CALN1: variants seen among roughly 807,000 people sequenced by gnomAD.
CALN1 encodes the protein calneuron 1.
A neutral mutation model predicts 30.6 loss-of-function variants in CALN1; 17 were observed. That is an observed-to-expected ratio of 0.56 (90% CI 0.38 to 0.83). The LOEUF is 0.83. Ranked by LOEUF, CALN1 falls within the 40% of genes least tolerant of loss-of-function variation. CALN1 has a pLI of 0.00. For missense variants in CALN1, 291 were observed against 354.9 expected, an observed-to-expected ratio of 0.82 and a Z score of 1.45; for synonymous variants, 156 against 131.4, an observed-to-expected ratio of 1.19 and a Z score of -1.28.
chr7:72,488,479 T>C, the CALN1 span, among the ~76,000 whole-genome samples: 1 of 152,186 alleles, frequency 6.6e-6, no homozygotes, highest in Non-Finnish European at 1.5e-5. Context: ...TCTTTCAGAA[T>C]TCCAGCTAAT....
At chr7:72,023,399 G>T (rs1052538041) in intron 5 of CALN1, among the ~76,000 whole-genome samples, 2 of 152,016 alleles carry the variant, frequency 1.3e-5, no homozygotes, top group East Asian at 3.9e-4. Flanking sequence ...CCAGGAAAAA[G>T]ACTTTTGTGA....
chr7:71,863,305 CCCAGCA>C (rs1791400039), intron 5 of CALN1, among the ~76,000 whole-genome samples: 2 of 151,818 alleles, frequency 1.3e-5, no homozygotes, highest in Admixed American at 1.3e-4. Flanking sequence ...CATCTGTAAT[CCCAGCA>C]CTTTGGGAGG....
chr7:72,322,376 C>G (rs2138763), intron 2 of CALN1, among the ~76,000 whole-genome samples: 149,728 of 152,260 alleles, frequency 0.98, 73,665 homozygotes, highest in Middle Eastern at 1. Context: ...CCGCTCCCTT[C>G]CCCACCGCTC....
At chr7:71,825,199 A>G (rs754805876) in intron 5 of CALN1, among the ~76,000 whole-genome samples, 2 of 152,150 alleles carry the variant, frequency 1.3e-5, no homozygotes, top group Admixed American at 1.3e-4. Context: ...AGAGACGTCT[A>G]GAGTCTGACT....
chr7:71,937,209 C>T (rs1584552835), intron 5 of CALN1, among the ~76,000 whole-genome samples: 1 of 130,668 alleles, frequency 7.7e-6, no homozygotes, highest in Non-Finnish European at 1.6e-5. Flanking sequence ...TGGGAGGCTG[C>T]TTGAACAGGA....
chr7:72,391,797 G>A (rs954324531), intron 2 of CALN1, among the ~76,000 whole-genome samples: 6 of 152,060 alleles, frequency 3.9e-5, no homozygotes, highest in African/African-American at 1.4e-4. Context: ...CACACCCCCA[G>A]CCACATGGAA....
At chr7:71,920,107 G>T (rs575240590) in intron 5 of CALN1, among the ~76,000 whole-genome samples, 1 of 152,284 alleles carries the variant, frequency 6.6e-6, no homozygotes, top group African/African-American at 2.4e-5. Context: ...AAGGATTGCA[G>T]ACATGTTTAT....
At position 72,006,607 on chromosome 7, in the gene CALN1, T is replaced by C. The variant is rs114129982; in HGVS notation, c.501+17050A>G. ...TAAAGAAAAAGGATGAATGAGGTTA[T>C]ACCCAGTGAAAACAAATAAAGAGAA... On this transcript the variant is annotated intron_variant, in intron 5 of 6. Coordinates refer to ENST00000395275, the MANE Select transcript of CALN1 (RefSeq NM_031468.4). 2.1e-3 allele frequency among the ~76,000 whole-genome samples: 316 copies of C among 152,174 alleles called. 1 individual carries two copies. Among genetic ancestry groups the C allele is most frequent in the African/African-American group, 7.4e-3 (306 of 41,524 alleles).
intron 2 of CALN1, among the ~76,000 whole-genome samples, chr7:72,344,048 T>G (rs557385430): frequency 2.6e-5 from 4 of 152,148 alleles, no homozygotes; most frequent in Non-Finnish European, 5.9e-5. Context: ...TTTCATTTAT[T>G]TATGTATTTA....
chr7:72,379,049 T>TA (rs1804735402), intron 2 of CALN1, among the ~76,000 whole-genome samples: 1 of 152,260 alleles, frequency 6.6e-6, no homozygotes, highest in Non-Finnish European at 1.5e-5. Context: ...AACGTTCACT[T>TA]GGTTGTGTTG....
chr7:72,137,556 A>G (rs546119608), intron 3 of CALN1, among the ~76,000 whole-genome samples: 28 of 152,326 alleles, frequency 1.8e-4, no homozygotes, highest in African/African-American at 6.7e-4. Context: ...AACAAACAAA[A>G]CAAAACAAAA....
intron 2 of CALN1, among the ~76,000 whole-genome samples, chr7:72,382,680 G>GAGAAC: frequency 6.6e-6 from 1 of 152,192 alleles, no homozygotes; most frequent in East Asian, 1.9e-4. Context: ...TGTACCCAAT[G>GAGAAC]TTTAGCTCCC....
intron 3 of CALN1, among the ~76,000 whole-genome samples, chr7:72,220,814 T>C (rs1477978306): frequency 6.6e-6 from 1 of 152,250 alleles, no homozygotes; most frequent in African/African-American, 2.4e-5. Context: ...CATTTTTTCA[T>C]GTGTTTTTTG....
chr7:72,488,188 A>G, the CALN1 span, among the ~76,000 whole-genome samples: 1 of 151,638 alleles, frequency 6.6e-6, no homozygotes, highest in Non-Finnish European at 1.5e-5. Context: ...CAACATAACA[A>G]GACCCTATCT....
At chr7:72,405,449 C>T (rs1250611039) in intron 1 of CALN1, among the ~76,000 whole-genome samples, 6 of 152,302 alleles carry the variant, frequency 3.9e-5, no homozygotes, top group African/African-American at 1.4e-4. Flanking sequence ...GGCATGTCTT[C>T]ACACGCCTGT....
intron 6 of CALN1, among the ~76,000 whole-genome samples, chr7:71,809,443 A>ATG (rs1458475559): frequency 1.5e-4 from 18 of 121,002 alleles, no homozygotes; most frequent in Non-Finnish European, 2.9e-4. Flanking sequence ...CCAACTATGT[A>ATG]TACTGACTTA....
chr7:71,883,438 T>A (rs1049420686), intron 5 of CALN1, among the ~76,000 whole-genome samples: 1 of 152,148 alleles, frequency 6.6e-6, no homozygotes. Context: ...TCAGTAGCAT[T>A]TTAAGCTCCT....
chr7:71,896,632 T>C (rs1285187476), intron 5 of CALN1, among the ~76,000 whole-genome samples: 1 of 151,938 alleles, frequency 6.6e-6, no homozygotes, highest in Non-Finnish European at 1.5e-5. Flanking sequence ...CTTCCTGCTC[T>C]TGAGTATGAA....
chr7:71,927,861 G>A (rs1795345733), intron 5 of CALN1, among the ~76,000 whole-genome samples: 1 of 152,168 alleles, frequency 6.6e-6, no homozygotes, highest in Admixed American at 6.5e-5. Context: ...GGTGGCCCTT[G>A]TGAACGGGAG....
Sources: allele counts gnomAD v4.1 joint callset (sites outside exome capture counted in the v4.1 genomes callset), GRCh38; gene constraint gnomAD v4.1.1; transcripts MANE v1.5; gene names NCBI Gene and HGNC (gene_info 2026-07-23, HGNC 2026-07-21).